NOX4: variants seen among roughly 807,000 people sequenced by gnomAD.
The protein encoded by NOX4 is NADPH oxidase 4.
A neutral mutation model predicts 87.6 loss-of-function variants in NOX4; 69 were observed. That is an observed-to-expected ratio of 0.79 (90% CI 0.65 to 0.96). The LOEUF (loss-of-function observed/expected upper bound fraction) is 0.96. Ranked by LOEUF, NOX4 falls within the 40% of genes least tolerant of loss-of-function variation. NOX4 has a pLI of 0.00. For missense variants in NOX4, 680 were observed against 681.5 expected (o/e 1.00, Z 0.02); for synonymous variants, 275 against 238.2 (o/e 1.15, Z -1.42).
the NOX4 span, among the ~76,000 whole-genome samples, chr11:89,575,393 T>G: frequency 6.6e-6 from 1 of 152,128 alleles, no homozygotes; most frequent in South Asian, 2.1e-4. Context: ...AGCCTACAGA[T>G]CTGTAGATAA....
At chr11:89,329,854 C>T (rs568343628) in intron 17 of NOX4, among the ~76,000 whole-genome samples, 107 of 151,908 alleles carry the variant, frequency 7.0e-4, no homozygotes, top group African/African-American at 2.5e-3. Context: ...GAATTGTCAG[C>T]AAACCAGCAC....
chr11:89,354,605 G>A (rs181285347), intron 13 of NOX4, among the ~76,000 whole-genome samples: 1 of 152,120 alleles, frequency 6.6e-6, no homozygotes, highest in Non-Finnish European at 1.5e-5. Context: ...ATGAATCCTT[G>A]CATTTAAAGG....
At chr11:89,496,592 GA>G (rs1222092518), upstream of NOX4, among the ~76,000 whole-genome samples, 1 of 146,070 alleles carries the variant, frequency 6.8e-6, no homozygotes, top group Admixed American at 6.8e-5. Flanking sequence ...AAAAAAAAAA[GA>G]GAAAAAATAA....
chr11:89,443,518 C>G (rs1944548905), intron 5 of NOX4: 2 of 152,310 alleles, frequency 1.3e-5, no homozygotes, highest in African/African-American at 4.8e-5. Context: ...AGAGACCTAA[C>G]TGGCTGAGCA....
intron 11 of NOX4, among the ~76,000 whole-genome samples, chr11:89,381,562 C>T (rs1940285529): frequency 6.6e-6 from 1 of 152,160 alleles, no homozygotes; most frequent in African/African-American, 2.4e-5. Context: ...ATCTCCCTAC[C>T]TTGGCTCTCT....
chr11:89,514,450 T>C, the NOX4 span, among the ~76,000 whole-genome samples: 1 of 151,966 alleles, frequency 6.6e-6, no homozygotes, highest in Admixed American at 6.6e-5. Flanking sequence ...AAAAAGATAG[T>C]TTTCTTCTAT....
intron 2 of NOX4, among the ~76,000 whole-genome samples, chr11:89,465,838 G>C (rs1464683858): frequency 2.0e-5 from 3 of 149,666 alleles, no homozygotes; most frequent in African/African-American, 7.5e-5. Flanking sequence ...TTTTTTTCTT[G>C]TAAATTTGTT....
the NOX4 span, among the ~76,000 whole-genome samples, chr11:89,510,461 T>C: frequency 8.8e-3 from 1,342 of 152,170 alleles, 19 homozygotes; most frequent in African/African-American, 0.031. Flanking sequence ...TTACTACAGT[T>C]CCAAATCAAT....
chr11:89,419,247 G>A (rs1226662303), intron 8 of NOX4, among the ~76,000 whole-genome samples: 3 of 151,862 alleles, frequency 2.0e-5, no homozygotes, highest in African/African-American at 7.3e-5. Context: ...GCATACTGTT[G>A]AACAGAAATT....
At chr11:89,478,672 C>T (rs1443855562) in intron 2 of NOX4, among the ~76,000 whole-genome samples, 5 of 152,118 alleles carry the variant, frequency 3.3e-5, no homozygotes, top group African/African-American at 1.2e-4. Context: ...AAGCATGACA[C>T]ACTCATTTAA....
At chr11:89,476,491 G>A (rs959377255) in intron 2 of NOX4, among the ~76,000 whole-genome samples, 1 of 151,906 alleles carries the variant, frequency 6.6e-6, no homozygotes, top group African/African-American at 2.4e-5. Flanking sequence ...CATTCCACAT[G>A]GTGATATTAT....
chr11:89,383,427 C>A (rs879577823), intron 11 of NOX4, among the ~76,000 whole-genome samples: 4 of 152,230 alleles, frequency 2.6e-5, no homozygotes, highest in Non-Finnish European at 4.4e-5. Flanking sequence ...CTGACTCCTT[C>A]CCAGGTCTTC....
chr11:89,421,946 G>A lies in NOX4; in HGVS notation c.585C>T (p.Asn195=), dbSNP rs769601619. 17 of 1,567,886 alleles carry A rather than the reference G, an allele frequency of 1.1e-5. No individual in the cohort carries two copies. The highest frequency in any genetic ancestry group is 2.0e-5 in the Admixed American group (1 of 51,250). Residue 195 remains asparagine (N), a synonymous_variant, in exon 8 of 18, where the codon AAC becomes AAT. Coordinates refer to ENST00000263317, the MANE Select transcript of NOX4 (RefSeq NM_016931.5). ...GCAGCATGTAGAAGACAAAGAAGAG[G>A]TTATGAGTATACCAGAAGATATCAT... ...SNYDIFWYTH[N]LFFVFYMLLT...
intron 1 of NOX4, 103 bp from the exon 2 acceptor site, chr11:89,490,656 G>C: frequency 1.2e-6 from 1 of 826,964 alleles, no homozygotes; most frequent in Non-Finnish European, 2.1e-6. Context: ...GCTTTCAATG[G>C]AACCTAAATC....
At chr11:89,338,038 T>C (rs1945795666) in intron 15 of NOX4, among the ~76,000 whole-genome samples, 1 of 151,908 alleles carries the variant, frequency 6.6e-6, no homozygotes, top group Non-Finnish European at 1.5e-5. Context: ...GGCAAAAATA[T>C]ACCTGCAAAA....
At chr11:89,523,920 T>A in the NOX4 span, among the ~76,000 whole-genome samples, 1 of 152,224 alleles carries the variant, frequency 6.6e-6, no homozygotes, top group East Asian at 1.9e-4. Context: ...AATTTAAAAA[T>A]ACAAGCTAAT....
chr11:89,353,664 T>G (rs566773636), intron 13 of NOX4, among the ~76,000 whole-genome samples: 273 of 152,250 alleles, frequency 1.8e-3, no homozygotes, highest in African/African-American at 6.2e-3. Flanking sequence ...TCTGAGGTAT[T>G]CCTGTAGCTG....
chr11:89,447,256 C>T (rs1944748359), intron 4 of NOX4, among the ~76,000 whole-genome samples: 1 of 151,962 alleles, frequency 6.6e-6, no homozygotes, highest in Admixed American at 6.6e-5. Context: ...ATAATCCTTT[C>T]ATATTAAATT....
At chr11:89,356,426 G>A (rs926106768) in intron 12 of NOX4, among the ~76,000 whole-genome samples, 8 of 102,896 alleles carry the variant, frequency 7.8e-5, no homozygotes, top group Admixed American at 3.4e-4. Flanking sequence ...GAAGAGGAAG[G>A]GGGAAAAAAA....
Sources: allele counts gnomAD v4.1 joint callset (sites outside exome capture counted in the v4.1 genomes callset), GRCh38; gene constraint gnomAD v4.1.1; transcripts MANE v1.5; gene names NCBI Gene and HGNC (gene_info 2026-07-23, HGNC 2026-07-21).